Variants in SPHKAP observed in about 807,000 individuals in gnomAD.
The protein encoded by SPHKAP is SPHK1 interactor, AKAP domain containing.
Under a neutral mutation model 137.5 loss-of-function variants are expected in SPHKAP, and 67 were observed. That is an observed-to-expected ratio of 0.49 (90% CI 0.40 to 0.60). SPHKAP has a LOEUF of 0.60. Among genes scored for constraint, SPHKAP ranks in the 20% least tolerant of loss-of-function variants. The pLI is 0.00. For synonymous variants in SPHKAP, 813 were observed against 785.3 expected (o/e 1.04, Z -0.59); for missense variants, 2,097 against 2,069.3 (o/e 1.01, Z -0.26).
intron 3 of SPHKAP, among the ~76,000 whole-genome samples, chr2:228,049,595 C>T (rs1400536064): frequency 6.6e-6 from 1 of 152,128 alleles, no homozygotes; most frequent in Non-Finnish European, 1.5e-5. Flanking sequence ...TGAATCTTAT[C>T]ACCCAGCTAG....
intron 3 of SPHKAP, among the ~76,000 whole-genome samples, chr2:228,080,461 C>A (rs1245727258): frequency 6.6e-6 from 1 of 152,166 alleles, no homozygotes; most frequent in Admixed American, 6.5e-5. Flanking sequence ...AGTCCCAGCA[C>A]TTTGGGAGGC....
At chr2:228,042,429 G>A (rs1695888962) in intron 3 of SPHKAP, among the ~76,000 whole-genome samples, 1 of 152,080 alleles carries the variant, frequency 6.6e-6, no homozygotes, top group Non-Finnish European at 1.5e-5. Flanking sequence ...TCCATTTAAA[G>A]TGTGTGATTC....
chr2:228,169,097 G>C (rs1700506149), intron 1 of SPHKAP, among the ~76,000 whole-genome samples: 2 of 152,128 alleles, frequency 1.3e-5, no homozygotes, highest in African/African-American at 2.4e-5. Context: ...AGCCAGCAGA[G>C]GTTGGTTCAT....
intron 3 of SPHKAP, among the ~76,000 whole-genome samples, chr2:228,037,986 C>T (rs753865978): frequency 1.3e-5 from 2 of 152,172 alleles, no homozygotes; most frequent in Admixed American, 1.3e-4. Flanking sequence ...GTAGAGAATA[C>T]AGGACCAGCC....
chr2:228,024,031 G>T (rs1018114530), intron 5 of SPHKAP, among the ~76,000 whole-genome samples: 2 of 152,096 alleles, frequency 1.3e-5, no homozygotes, highest in Non-Finnish European at 2.9e-5. Flanking sequence ...TGGGGCCAAC[G>T]GAAAGAAAAC....
intron 3 of SPHKAP, among the ~76,000 whole-genome samples, chr2:228,048,179 C>T (rs141903628): frequency 2.0e-5 from 3 of 152,242 alleles, no homozygotes; most frequent in East Asian, 1.9e-4. Context: ...TTCGCTGCCA[C>T]GAAATTGGAG....
intron 2 of SPHKAP, among the ~76,000 whole-genome samples, chr2:228,117,970 A>G (rs1698768201): frequency 6.6e-6 from 1 of 151,950 alleles, no homozygotes; most frequent in Admixed American, 6.6e-5. Flanking sequence ...TAAAAAGACA[A>G]TATTTTAGCT....
intron 3 of SPHKAP, among the ~76,000 whole-genome samples, chr2:228,079,883 C>T (rs867749352): frequency 1.3e-5 from 2 of 152,214 alleles, no homozygotes; most frequent in African/African-American, 2.4e-5. Flanking sequence ...AGCCCCTAAA[C>T]GCTAGCAGCA....
chr2:228,107,068 TATC>T (rs149388236), intron 3 of SPHKAP, among the ~76,000 whole-genome samples: 51,780 of 151,550 alleles, frequency 0.34, 8,999 homozygotes, highest in East Asian at 0.5. Context: ...CTCACGTAGT[TATC>T]ATTTTTTTTT....
At chr2:228,096,848 C>G (rs980638771) in intron 3 of SPHKAP, among the ~76,000 whole-genome samples, 10 of 152,060 alleles carry the variant, frequency 6.6e-5, no homozygotes, top group Admixed American at 1.3e-4. Context: ...GTGAGCTTGT[C>G]TTATTTTTAC....
chr2:228,096,742 T>C (rs1014948903), intron 3 of SPHKAP, among the ~76,000 whole-genome samples: 14 of 152,154 alleles, frequency 9.2e-5, no homozygotes, highest in African/African-American at 3.4e-4. Flanking sequence ...ATGAAAGCAG[T>C]CTCTGGTCTA....
intron 3 of SPHKAP, among the ~76,000 whole-genome samples, chr2:228,069,175 G>A (rs920163078): frequency 9.2e-5 from 14 of 152,166 alleles, no homozygotes; most frequent in African/African-American, 3.1e-4. Context: ...GCTGACATGG[G>A]AGAATCGCTT....
At chr2:228,006,905 G>A (rs939698569) in intron 7 of SPHKAP, among the ~76,000 whole-genome samples, 3 of 152,214 alleles carry the variant, frequency 2.0e-5, no homozygotes, top group South Asian at 4.1e-4. Context: ...TGGAGGTTTC[G>A]TCTCAGAGGG....
intron 1 of SPHKAP, among the ~76,000 whole-genome samples, chr2:228,157,691 T>C (rs1700147005): frequency 1.3e-5 from 2 of 152,100 alleles, no homozygotes; most frequent in Admixed American, 6.6e-5. Context: ...GGAGGTGTCA[T>C]TTTGCGGGGA....
rs1692987383 is a variant in SPHKAP, at chr2:227,981,381, C to A, written c.*336G>T. ...TCATCTAATTAGAGACATTACAAAT[C>A]ATTTTATATGATTAAACTTATGTGA... On this transcript the variant is annotated 3_prime_UTR_variant, in exon 12 of 12. Coordinates refer to ENST00000392056, the MANE Select transcript of SPHKAP (RefSeq NM_001142644.2). 5.8e-6 allele frequency: 1 copy of A among 172,466 alleles called. No homozygotes were observed. The highest frequency in any genetic ancestry group is 1.2e-5 in the Non-Finnish European group (1 of 81,954). 10.7% of individuals were successfully genotyped at this position (172,466 alleles called of 1,614,324 possible). A position where few individuals can be genotyped will look rare whatever the true frequency, so the allele number is the denominator to read the frequency against.
chr2:228,067,871 G>A (rs1391056621), intron 3 of SPHKAP, among the ~76,000 whole-genome samples: 1 of 152,128 alleles, frequency 6.6e-6, no homozygotes, highest in Non-Finnish European at 1.5e-5. Context: ...TTTAAAAAGA[G>A]TCCTAGCCAA....
At chr2:228,012,412 T>C (rs1031531114) in intron 7 of SPHKAP, among the ~76,000 whole-genome samples, 1 of 152,136 alleles carries the variant, frequency 6.6e-6, no homozygotes, top group Admixed American at 6.6e-5. Context: ...ATGCTTAAAA[T>C]GCAAGTCTTT....
At chr2:228,162,376 C>T (rs969627177) in intron 1 of SPHKAP, among the ~76,000 whole-genome samples, 11 of 152,174 alleles carry the variant, frequency 7.2e-5, no homozygotes, top group African/African-American at 2.7e-4. Context: ...GGAAATGTCT[C>T]TTATATTTGA....
chr2:228,172,455 C>T (rs1432599855), intron 1 of SPHKAP, among the ~76,000 whole-genome samples: 4 of 152,142 alleles, frequency 2.6e-5, no homozygotes, highest in South Asian at 4.1e-4. Flanking sequence ...CCAACTTCAT[C>T]GTCATATCAA....
Sources: allele counts gnomAD v4.1 joint callset (sites outside exome capture counted in the v4.1 genomes callset), GRCh38; gene constraint gnomAD v4.1.1; transcripts MANE v1.5; gene names NCBI Gene and HGNC (gene_info 2026-07-23, HGNC 2026-07-21).